Variants in TRIP12 observed in about 807,000 individuals in gnomAD.
TRIP12 encodes thyroid hormone receptor interactor 12, also known as E3 ubiquitin-protein ligase TRIP12.
A neutral mutation model predicts 244.2 loss-of-function variants in TRIP12; 25 were observed. The ratio of observed to expected loss-of-function variants is 0.10; its 90% confidence interval spans 0.07 to 0.14. The LOEUF is 0.14. Ranked by LOEUF, TRIP12 falls within the 10% of genes least tolerant of loss-of-function variation. TRIP12 has a pLI of 1.00. For missense variants in TRIP12, 1,677 were observed against 2,486.4 expected, an observed-to-expected ratio of 0.67 and a Z score of 6.92; for synonymous variants, 905 against 873.1, an observed-to-expected ratio of 1.04 and a Z score of -0.64.
At position 229,897,956 on chromosome 2, in the gene TRIP12, A is replaced by G. The variant is rs1417203967; in HGVS notation, c.-49-17828T>C. Among the ~76,000 whole-genome samples the G allele has an allele frequency of 2.6e-5, 4 of 152,122 alleles. No individual in the cohort carries two copies. The East Asian group carries it at 7.7e-4, about 29-fold the overall frequency. ...TCAACAAACAACCTATGATGGACCA[A>G]TGAGAGTCTCCTCCCAAGACTCTTT... On this transcript the variant is annotated intron_variant, in intron 1 of 41. Coordinates refer to ENST00000675903, the MANE Select transcript of TRIP12 (RefSeq NM_001348323.3).
At chr2:229,816,526 T>C (rs1575438796) in intron 9 of TRIP12, among the ~76,000 whole-genome samples, 1 of 152,314 alleles carries the variant, frequency 6.6e-6, no homozygotes, top group South Asian at 2.1e-4. Context: ...CATGACTGTA[T>C]TGTGATGAAG....
At chr2:229,871,969 C>T (rs962684377) in intron 2 of TRIP12, among the ~76,000 whole-genome samples, 9 of 151,948 alleles carry the variant, frequency 5.9e-5, no homozygotes, top group Admixed American at 5.2e-4. Context: ...TCAGGTGTGG[C>T]ATCATTTGCT....
At chr2:229,904,583 CAG>C (rs1297693146) in intron 1 of TRIP12, among the ~76,000 whole-genome samples, 2 of 151,968 alleles carry the variant, frequency 1.3e-5, no homozygotes, top group Middle Eastern at 3.2e-3. Context: ...ATTATTAAAA[CAG>C]AGGCTAGAAG....
chr2:229,768,379 A>G (rs917810290), intron 41 of TRIP12, among the ~76,000 whole-genome samples: 2 of 152,256 alleles, frequency 1.3e-5, no homozygotes, highest in Non-Finnish European at 2.9e-5. Flanking sequence ...GAATGTACAA[A>G]TGGCCTGGAA....
intron 1 of TRIP12, among the ~76,000 whole-genome samples, chr2:229,884,735 G>A (rs2065652845): frequency 6.6e-6 from 1 of 152,090 alleles, no homozygotes; most frequent in South Asian, 2.1e-4. Context: ...GGGAGGCTAA[G>A]GCAAAAGAAT....
chr2:229,799,146 C>G, intron 22 of TRIP12, 97 bp from the exon 23 acceptor site: 1 of 1,534,440 alleles, frequency 6.5e-7, no homozygotes, highest in East Asian at 2.3e-5. Flanking sequence ...GATTAATTAA[C>G]TGAAAGAACT....
intron 4 of TRIP12, among the ~76,000 whole-genome samples, chr2:229,842,867 T>C (rs558134968): frequency 6.6e-6 from 1 of 152,352 alleles, no homozygotes; most frequent in African/African-American, 2.4e-5. Context: ...GACTTCACTG[T>C]TTCTTTTACA....
chr2:229,782,237 G>GT (rs959087286), intron 34 of TRIP12, among the ~76,000 whole-genome samples: 4 of 151,788 alleles, frequency 2.6e-5, no homozygotes, highest in South Asian at 2.1e-4. Context: ...CAAAAAATCC[G>GT]TATCTCTTAT....
At chr2:229,863,219 A>C (rs1160178068) in intron 2 of TRIP12, among the ~76,000 whole-genome samples, 2 of 147,362 alleles carry the variant, frequency 1.4e-5, no homozygotes, top group Non-Finnish European at 3.0e-5. Context: ...ACAGGGCGAG[A>C]CTCCATCTCG....
In TRIP12 at chr2:229,864,041, A is replaced by AGT. The variant is rs1255228627; in HGVS notation, c.99-3511_99-3510insAC. Among the ~76,000 whole-genome samples the AGT allele has an allele frequency of 6.7e-4, 48 of 71,748 alleles. No homozygotes were observed. In the South Asian group the frequency reaches 0.015, roughly 23 times the overall value. The allele number at this position is 71,748 out of a possible 152,430, so 47.1% of individuals were successfully genotyped here. A position where few individuals can be genotyped will look rare whatever the true frequency, so the allele number is the denominator to read the frequency against. ...GAGAGAGAGAGAGAGAGAGAGAGAGAGAGAGAGTGTGTGTGTGTGTGTGTG... is the reference window on the plus strand; with the variant it reads ...GAGAGAGAGAGAGAGAGAGAGAGAGAGTGAGAGAGTGTGTGTGTGTGTGTGTG... On this transcript the variant is annotated intron_variant, in intron 2 of 41. Coordinates refer to ENST00000675903, the MANE Select transcript of TRIP12 (RefSeq NM_001348323.3).
rs137863308 is a variant in TRIP12 at position 229,807,874 on chromosome 2, A to G, written c.2340-10T>C. On this transcript the variant is annotated splice_polypyrimidine_tract_variant and intron_variant, in intron 16 of 41. Transcript: ENST00000675903. The stretch of plus-strand genomic sequence containing the variant: ...ACATGGCATAAGTTCACTGAAAACA[A>G]AAAGTACAATAATTTTAGTAACTTT... 24 of 1,609,464 alleles carry G rather than the reference A, an allele frequency of 1.5e-5. No individual in the cohort carries two copies. The East Asian group carries it at 4.9e-4, about 33-fold the overall frequency.
At chr2:229,821,537 C>T (rs185632925) in intron 8 of TRIP12, among the ~76,000 whole-genome samples, 35 of 152,240 alleles carry the variant, frequency 2.3e-4, no homozygotes, top group Non-Finnish European at 4.7e-4. Context: ...AAGACTAATA[C>T]AAACAAATGA....
At chr2:229,816,888 AAC>A (rs2048641098) in intron 9 of TRIP12, among the ~76,000 whole-genome samples, 1 of 152,234 alleles carries the variant, frequency 6.6e-6, no homozygotes, top group Admixed American at 6.5e-5. Context: ...AATGGACATT[AAC>A]ACAGGCAAAA....
At chr2:229,855,451 T>C (rs898017699) in intron 4 of TRIP12, among the ~76,000 whole-genome samples, 6 of 152,038 alleles carry the variant, frequency 3.9e-5, no homozygotes, top group African/African-American at 1.4e-4. Flanking sequence ...AATGATATGG[T>C]ATGAATCCTT....
chr2:229,903,182 A>G (rs1264773764), intron 1 of TRIP12, among the ~76,000 whole-genome samples: 1 of 151,938 alleles, frequency 6.6e-6, no homozygotes, highest in East Asian at 1.9e-4. Flanking sequence ...CAATGGACAC[A>G]ATGACTTCAA....
intron 1 of TRIP12, among the ~76,000 whole-genome samples, chr2:229,888,762 C>T (rs1032272035): frequency 6.6e-5 from 10 of 151,882 alleles, no homozygotes; most frequent in Non-Finnish European, 1.3e-4. Context: ...AAGATTGCGC[C>T]ACTGCTCTCC....
At chr2:229,904,525 G>A (rs1388636532) in intron 1 of TRIP12, among the ~76,000 whole-genome samples, 1 of 151,770 alleles carries the variant, frequency 6.6e-6, no homozygotes, top group Non-Finnish European at 1.5e-5. Flanking sequence ...AATGCAACAG[G>A]AAGATGCTCA....
chr2:229,839,660 CAG>C (rs1164104107), intron 5 of TRIP12, among the ~76,000 whole-genome samples: 3 of 148,352 alleles, frequency 2.0e-5, no homozygotes, highest in Non-Finnish European at 4.4e-5. Context: ...GCCTGGGCGA[CAG>C]AGTGAGACTC....
chr2:229,821,422 C>G (rs1319882557), intron 8 of TRIP12, among the ~76,000 whole-genome samples: 3 of 152,192 alleles, frequency 2.0e-5, no homozygotes, highest in African/African-American at 4.8e-5. Context: ...GGAAAACGTT[C>G]TCTTTCAAGG....
Sources: gnomAD v4.1 joint callset for allele counts (sites outside exome capture counted in the v4.1 genomes callset) on GRCh38, gnomAD v4.1.1 for gene constraint, MANE v1.5 for transcripts, NCBI Gene and HGNC (gene_info 2026-07-23, HGNC 2026-07-21) for gene names.